MOK: variants seen among roughly 807,000 people sequenced by gnomAD.
MOK encodes the protein MOK protein kinase, also known as MAPK/MAK/MRK overlapping kinase.
A neutral mutation model predicts 54.2 loss-of-function variants in MOK; 59 were observed. The observed-to-expected ratio is 1.09, with a 90% CI of 0.88 to 1.35. The LOEUF (loss-of-function observed/expected upper bound fraction) is 1.35, where lower values mean the gene tolerates loss of function less well. MOK is among the 40% of genes most tolerant of loss of function. The pLI, the probability that MOK is intolerant of heterozygous loss-of-function variation, is 0.00. For missense variants in MOK, 517 were observed against 526.2 expected (o/e 0.98, Z 0.17); for synonymous variants, 210 against 202.7 (o/e 1.04, Z -0.31).
At chr14:102,226,286 C>G (rs774831260), downstream of MOK, 119 of 700,000 alleles carry the variant, frequency 1.7e-4, no homozygotes, top group Non-Finnish European at 2.9e-4. The surrounding 1 kb of genome is among the most constrained non-coding windows in gnomAD (Gnocchi z 4.8). Flanking sequence ...AGGGTAGGCT[C>G]ACACAAGAAG....
At chr14:102,302,392 TA>T (rs950522273) in intron 1 of MOK, among the ~76,000 whole-genome samples, 4 of 151,860 alleles carry the variant, frequency 2.6e-5, no homozygotes, top group African/African-American at 9.7e-5. Flanking sequence ...AAATTTTATA[TA>T]TATATACGCA....
At chr14:102,295,177 T>G (rs2071296992) in intron 1 of MOK, among the ~76,000 whole-genome samples, 1 of 152,056 alleles carries the variant, frequency 6.6e-6, no homozygotes. Context: ...TGCCCCACAT[T>G]ATTGGGAATA....
chr14:102,228,541 T>C (rs2064346837), downstream of MOK, among the ~76,000 whole-genome samples: 1 of 151,542 alleles, frequency 6.6e-6, no homozygotes, highest in Non-Finnish European at 1.5e-5. Flanking sequence ...CTACTAAAAA[T>C]ACAAAAAAAT....
intron 2 of MOK, among the ~76,000 whole-genome samples, chr14:102,275,629 T>C (rs11846359): frequency 0.22 from 32,938 of 149,984 alleles, 4,506 homozygotes; most frequent in African/African-American, 0.39. Flanking sequence ...ATAAGGTTTT[T>C]AGGAGAAAAT....
chr14:102,256,141 C>T (rs1169595045), intron 4 of MOK, among the ~76,000 whole-genome samples: 1 of 151,854 alleles, frequency 6.6e-6, no homozygotes, highest in African/African-American at 2.4e-5. Context: ...CTCTGTTGCC[C>T]AGGCTGGAGT....
At chr14:102,215,026 C>T in the MOK span, 1 of 972,122 alleles carries the variant, frequency 1.0e-6, no homozygotes, top group Admixed American at 6.2e-5. Context: ...TTTCAGTAGT[C>T]ATTTTCACAT....
chr14:102,215,713 G>T, the MOK span, among the ~76,000 whole-genome samples: 10 of 152,140 alleles, frequency 6.6e-5, 1 homozygote, highest in Non-Finnish European at 2.9e-5. Context: ...TTTGCTTAAG[G>T]CTTTGTGCTG....
chr14:102,257,534 G>A (rs868583085), intron 4 of MOK, among the ~76,000 whole-genome samples: 1 of 152,078 alleles, frequency 6.6e-6, no homozygotes, highest in African/African-American at 2.4e-5. Context: ...CAACTAAAAG[G>A]GAGAACCAAC....
At chr14:102,219,119 C>T in the MOK span, among the ~76,000 whole-genome samples, 5 of 152,188 alleles carry the variant, frequency 3.3e-5, no homozygotes, top group African/African-American at 1.2e-4. Flanking sequence ...AAGCTGCAGC[C>T]GGGATCCTTC....
intron 4 of MOK, among the ~76,000 whole-genome samples, chr14:102,261,241 G>A (rs532610510): frequency 4.0e-5 from 5 of 125,882 alleles, no homozygotes; most frequent in African/African-American, 1.4e-4. Context: ...GCAACAGAGC[G>A]AGACTCTGCC....
At chr14:102,252,201 A>G (rs1433103881) in intron 4 of MOK, among the ~76,000 whole-genome samples, 1 of 152,174 alleles carries the variant, frequency 6.6e-6, no homozygotes, top group Non-Finnish European at 1.5e-5. Flanking sequence ...GCGGTGGCTC[A>G]CACCTGTAAT....
rs1169057780 is a variant in MOK, at chr14:102,235,735, ACTAT to A, written c.591-1950_591-1947del. Among the ~76,000 whole-genome samples, 1 of 152,194 alleles carries A rather than the reference ACTAT, an allele frequency of 6.6e-6. No individual in the cohort carries two copies. Among genetic ancestry groups the A allele is most frequent in the East Asian group, 1.9e-4 (1 of 5,196 alleles). ...TGTCGATCCCGCCTCCCGGGAAGGA[ACTAT>A]TGTTCTTTACATCCATTTTATTTCC... On this transcript the variant is annotated intron_variant, in intron 7 of 11. Transcript: ENST00000361847. The surrounding 1 kb of genome is among the most constrained non-coding windows in gnomAD (Gnocchi z 4.4).
downstream of MOK, among the ~76,000 whole-genome samples, chr14:102,226,608 C>T (rs1028284573): frequency 1.3e-5 from 2 of 152,138 alleles, no homozygotes; most frequent in African/African-American, 2.4e-5. This position sits in a 1 kb window ranked among gnomAD's most constrained non-coding sequence, Gnocchi z 4.8. Flanking sequence ...AGGGCCCAGA[C>T]GGACACAGGG....
intron 2 of MOK, among the ~76,000 whole-genome samples, chr14:102,278,398 G>C (rs967286465): frequency 2.0e-5 from 3 of 151,132 alleles, no homozygotes; most frequent in African/African-American, 7.3e-5. Flanking sequence ...AAAAAAAAAG[G>C]CTTTTAGAGA....
At chr14:102,291,500 T>C (rs1271240855) in intron 1 of MOK, among the ~76,000 whole-genome samples, 1 of 152,178 alleles carries the variant, frequency 6.6e-6, no homozygotes, top group Non-Finnish European at 1.5e-5. Context: ...GCCCTGTTCA[T>C]ACTAGTCAAG....
intron 7 of MOK, among the ~76,000 whole-genome samples, chr14:102,241,852 C>G (rs1252905344): frequency 6.6e-6 from 1 of 152,238 alleles, no homozygotes; most frequent in South Asian, 2.1e-4. Context: ...AACGTCTGAA[C>G]CGCAGTGGCC....
chr14:102,279,284 C>T (rs1157728626), intron 2 of MOK, among the ~76,000 whole-genome samples: 2 of 150,806 alleles, frequency 1.3e-5, no homozygotes, highest in East Asian at 1.9e-4. Flanking sequence ...GCAAGAGAAC[C>T]GTTGTTGTTG....
chr14:102,286,987 G>C (rs1323958595), intron 1 of MOK, among the ~76,000 whole-genome samples: 2 of 151,650 alleles, frequency 1.3e-5, no homozygotes, highest in Non-Finnish European at 2.9e-5. Flanking sequence ...ATTAATACTG[G>C]CTCTGTCTGA....
At chr14:102,233,916 T>G in intron 7 of MOK, 127 bp from the exon 8 acceptor site, 1 of 657,050 alleles carries the variant, frequency 1.5e-6, no homozygotes. Context: ...CCTACACCCT[T>G]CTGTAAGTTC....
Sources: allele counts gnomAD v4.1 joint callset (sites outside exome capture counted in the v4.1 genomes callset), GRCh38; gene constraint gnomAD v4.1.1; non-coding constraint Gnocchi (gnomAD v3.1); transcripts MANE v1.5; gene names NCBI Gene and HGNC (gene_info 2026-07-23, HGNC 2026-07-21).